Variants in TTC6 observed in about 807,000 individuals in gnomAD.
The protein encoded by TTC6 is tetratricopeptide repeat domain 6.
A neutral mutation model predicts 210.4 loss-of-function variants in TTC6; 172 were observed. That is an observed-to-expected ratio of 0.82 (90% CI 0.72 to 0.93). The LOEUF is 0.93. TTC6 is among the 40% of genes least tolerant of loss of function. TTC6 has a pLI of 0.00. For synonymous variants in TTC6, 804 were observed against 819.6 expected, an observed-to-expected ratio of 0.98 and a Z score of 0.32; for missense variants, 2,414 against 2,318.1, an observed-to-expected ratio of 1.04 and a Z score of -0.85.
At chr14:37,824,246 CAACTT>C (rs2096165167) in intron 27 of TTC6, among the ~76,000 whole-genome samples, 2 of 152,124 alleles carry the variant, frequency 1.3e-5, no homozygotes, top group Non-Finnish European at 2.9e-5. Context: ...CACTTACAAA[CAACTT>C]TTAAAATTTG....
intron 1 of TTC6, among the ~76,000 whole-genome samples, chr14:37,652,873 T>C (rs2095715522): frequency 6.6e-6 from 1 of 152,228 alleles, no homozygotes; most frequent in African/African-American, 2.4e-5. Flanking sequence ...ATGTCTGCAA[T>C]ATTATATTTA....
intron 1 of TTC6, among the ~76,000 whole-genome samples, chr14:37,657,856 T>C (rs576447142): frequency 1.3e-5 from 2 of 152,280 alleles, no homozygotes; most frequent in Admixed American, 1.3e-4. Context: ...AGAGTTTGAT[T>C]TTTTTTGTAT....
chr14:37,662,120 C>T (rs948375801), intron 1 of TTC6, among the ~76,000 whole-genome samples: 1 of 152,082 alleles, frequency 6.6e-6, no homozygotes, highest in Non-Finnish European at 1.5e-5. Context: ...TGACATCCTC[C>T]CTTCCTATTT....
At chr14:37,829,172 A>G (rs1304591645) in intron 29 of TTC6, among the ~76,000 whole-genome samples, 1 of 151,730 alleles carries the variant, frequency 6.6e-6, no homozygotes, top group Non-Finnish European at 1.5e-5. Context: ...TGTTTTTGGT[A>G]TGTCTCTTTT....
chr14:37,805,588 AC>A (rs1346307821), intron 21 of TTC6, among the ~76,000 whole-genome samples: 1 of 152,234 alleles, frequency 6.6e-6, no homozygotes, highest in African/African-American at 2.4e-5. Flanking sequence ...GAGACAAATT[AC>A]AAATATTTTA....
At chr14:37,630,906 T>G (rs1595035672) in intron 1 of TTC6, among the ~76,000 whole-genome samples, 1 of 89,358 alleles carries the variant, frequency 1.1e-5, no homozygotes, top group Non-Finnish European at 2.1e-5. Flanking sequence ...TGGCAACCCC[T>G]GTTTTTTTTT....
intron 1 of TTC6, among the ~76,000 whole-genome samples, chr14:37,664,001 G>GTC (rs2095742919): frequency 7.3e-6 from 1 of 136,388 alleles, no homozygotes; most frequent in Non-Finnish European, 1.8e-5. Flanking sequence ...AGAAATCAGA[G>GTC]ATGACCCAAA....
intron 14 of TTC6, among the ~76,000 whole-genome samples, chr14:37,763,415 T>C (rs1390242787): frequency 6.6e-6 from 1 of 152,144 alleles, no homozygotes; most frequent in African/African-American, 2.4e-5. Flanking sequence ...CTTGGTAGAA[T>C]TTACTGTTGA....
chr14:37,772,817 C>T (rs2096024546), intron 14 of TTC6, among the ~76,000 whole-genome samples: 1 of 152,164 alleles, frequency 6.6e-6, no homozygotes, highest in Admixed American at 6.5e-5. Flanking sequence ...ATTCGGCCAT[C>T]TTGGCTCCTC....
At chr14:37,694,126 A>C (rs2095809869) in intron 3 of TTC6, among the ~76,000 whole-genome samples, 1 of 152,170 alleles carries the variant, frequency 6.6e-6, no homozygotes, top group Non-Finnish European at 1.5e-5. Context: ...TCAAGTTAAA[A>C]AGCTTTTGCA....
At position 37,694,995 on chromosome 14, in the gene TTC6, C is replaced by T. The variant is rs142223452; in HGVS notation, c.1258-1722C>T. On this transcript the variant is annotated intron_variant, in intron 3 of 30. Coordinates refer to ENST00000553443, the Ensembl canonical transcript of TTC6. ...GGTTGAGGCTGCAGTGCATTGTGAT[C>T]ATTCCGCTGCACTCCAGCCTGGGCT... Among the ~76,000 whole-genome samples the T allele has an allele frequency of 2.7e-3, 370 of 135,868 alleles. 2 individuals are homozygous for T. Among genetic ancestry groups the T allele is most frequent in the African/African-American group, 9.8e-3 (354 of 36,076 alleles). 89.1% of individuals were successfully genotyped at this position (135,868 alleles called of 152,430 possible).
chr14:37,682,749 T>C lies in TTC6; in HGVS notation c.1051-9T>C, dbSNP rs1281762898. 1 of 1,534,838 alleles carries C rather than the reference T, an allele frequency of 6.5e-7. No individual in the cohort carries two copies. Among genetic ancestry groups the C allele is most frequent in the Non-Finnish European group, 8.7e-7 (1 of 1,146,238 alleles). On this transcript the variant is annotated splice_polypyrimidine_tract_variant and intron_variant, in intron 2 of 30. Coordinates refer to ENST00000553443, the Ensembl canonical transcript of TTC6. Reference sequence around the variant, plus strand: ...AAAAGCATTCTTGCACATTTACTTTTTCCAACAGAGCGTGCATAAGGAACT... The same window carrying C: ...AAAAGCATTCTTGCACATTTACTTTCTCCAACAGAGCGTGCATAAGGAACT...
intron 24 of TTC6, among the ~76,000 whole-genome samples, chr14:37,811,434 G>A (rs556837256): frequency 1.3e-5 from 2 of 152,240 alleles, no homozygotes; most frequent in South Asian, 4.1e-4. Flanking sequence ...CACCAGAGGA[G>A]GGCAAATGAG....
At chr14:37,732,785 T>C (rs1595168822) in intron 7 of TTC6, among the ~76,000 whole-genome samples, 1 of 51,762 alleles carries the variant, frequency 1.9e-5, no homozygotes. Flanking sequence ...GCCCAGCTAA[T>C]TTTTTTGTAC....
intron 1 of TTC6, among the ~76,000 whole-genome samples, chr14:37,641,100 A>G (rs1663759004): frequency 6.6e-6 from 1 of 152,242 alleles, no homozygotes; most frequent in Non-Finnish European, 1.5e-5. Flanking sequence ...CTTAACATGT[A>G]AAGTTGATAT....
chr14:37,637,933 A>T (rs1310647179), intron 1 of TTC6, among the ~76,000 whole-genome samples: 1 of 152,226 alleles, frequency 6.6e-6, no homozygotes, highest in African/African-American at 2.4e-5. Context: ...GCAGTTTCTT[A>T]AAAAAGTAAG....
rs192823679 is a variant in TTC6, at chr14:37,752,116, T to C, written c.3129+891T>C. Among the ~76,000 whole-genome samples the C allele has an allele frequency of 4.1e-4, 62 of 152,174 alleles. No individual in the cohort carries two copies. In the East Asian group the frequency reaches 4.7e-3, roughly 11 times the overall value. ...GTGGGGTTACAGGCGTGAGCCACCG[T>C]GCCCGGCCAGGAAATGAACTTTTAA... On this transcript the variant is annotated intron_variant, in intron 13 of 30. Transcript: ENST00000553443.
rs1956705300 is a variant in TTC6 at position 37,749,383 on chromosome 14, C to T, written c.2808C>T (p.Ala936=). The change falls in exon 11 of 31, where the codon GCC becomes GCT. Residue 936 remains alanine (A), a synonymous_variant. Transcript: ENST00000553443. ...GGAAACTGGGAAAGTTGCAGAGTGC[C>T]ATGAATGATCTGCAGAGAGTAAGTT... 4 of 1,447,416 alleles carry T rather than the reference C, an allele frequency of 2.8e-6. No individual in the cohort carries two copies. The African/African-American group carries it at 5.7e-5, about 21-fold the overall frequency. 89.7% of individuals were successfully genotyped at this position (1,447,416 alleles called of 1,614,324 possible).
intron 14 of TTC6, among the ~76,000 whole-genome samples, chr14:37,779,714 A>T (rs1301299324): frequency 2.6e-5 from 4 of 152,124 alleles, no homozygotes; most frequent in Non-Finnish European, 5.9e-5. Context: ...TTCCCTTGTT[A>T]TTGGTCTATT....
Sources: allele counts gnomAD v4.1 joint callset (sites outside exome capture counted in the v4.1 genomes callset), GRCh38; gene constraint gnomAD v4.1.1; transcripts MANE v1.5; gene names NCBI Gene and HGNC (gene_info 2026-07-23, HGNC 2026-07-21).